GFM1: variants seen among roughly 807,000 people sequenced by gnomAD.
GFM1 encodes elongation factor G, mitochondrial.
A neutral mutation model predicts 96.2 loss-of-function variants in GFM1; 62 were observed. The ratio of observed to expected loss-of-function variants is 0.64; its 90% confidence interval spans 0.53 to 0.80. GFM1 has a LOEUF of 0.80. Among genes scored for constraint, GFM1 ranks in the 30% least tolerant of loss-of-function variants. The pLI is 0.00. For missense variants in GFM1, 852 were observed against 916.6 expected, an observed-to-expected ratio of 0.93 and a Z score of 0.91; for synonymous variants, 282 against 312.9, an observed-to-expected ratio of 0.90 and a Z score of 1.04.
chr3:158,682,450 C>T (rs961543955), intron 14 of GFM1: 13 of 342,730 alleles, frequency 3.8e-5, no homozygotes, highest in African/African-American at 2.5e-4. Flanking sequence ...TGTAGTAGTT[C>T]TTAGGGATTT....
At chr3:158,652,335 G>T in intron 6 of GFM1, 89 bp downstream of exon 6, 1 of 1,081,442 alleles carries the variant, frequency 9.2e-7, no homozygotes. Context: ...TTTATGTATG[G>T]GCTTTATTAA....
chr3:158,690,422 AT>A (rs1162816448), intron 16 of GFM1, 99 bp downstream of exon 16: 2 of 1,182,540 alleles, frequency 1.7e-6, no homozygotes, highest in Non-Finnish European at 2.5e-6. Flanking sequence ...TCCTTGCTGA[AT>A]TTGTGGCTTT....
chr3:158,646,046 G>A (rs1721760418), intron 2 of GFM1, 119 bp from the exon 3 acceptor site: 1 of 1,264,088 alleles, frequency 7.9e-7, no homozygotes, highest in Non-Finnish European at 1.2e-6. Flanking sequence ...GTCTCCCACA[G>A]TGCTGGGATT....
At chr3:158,653,501 G>T in intron 7 of GFM1, 34 bp downstream of exon 7, 9 of 1,504,684 alleles carry the variant, frequency 6.0e-6, no homozygotes, top group African/African-American at 1.4e-5. Context: ...AGTTTATGCA[G>T]AAATACTTTC....
intron 6 of GFM1, 120 bp from the exon 7 acceptor site, chr3:158,653,190 A>G (rs1342538023): frequency 2.6e-6 from 2 of 779,736 alleles, no homozygotes; most frequent in Non-Finnish European, 4.2e-6. Context: ...TTTAGTCTCT[A>G]TTAGAGTCAG....
Position 158,666,405 on chromosome 3 carries a change from T to C in GFM1, c.1601+19T>C. On this transcript the variant is annotated intron_variant, in intron 13 of 17. Transcript: ENST00000486715. ...CTGTCCCGTAAGTATGCAACGTAAT[T>C]AAACATTATGAGGCTGAAATTGAAG... 4 of 1,595,046 alleles carry C rather than the reference T, an allele frequency of 2.5e-6. No individual in the cohort carries two copies. The highest frequency in any genetic ancestry group is 3.4e-6 in the Non-Finnish European group (4 of 1,162,826).
rs143659211 is a variant in GFM1 at position 158,682,790 on chromosome 3, C to T, written c.1764+633C>T. Among the ~76,000 whole-genome samples, 1,108 of 152,096 alleles carry T rather than the reference C, an allele frequency of 7.3e-3. 15 individuals are homozygous for T. Among genetic ancestry groups the T allele is most frequent in the African/African-American group, 0.026 (1,071 of 41,480 alleles). ...CTGTAATCCTAACATTTTGGGAGGCCGAGGCGGGCAGATCACTTGAGCCCA... is the reference window on the plus strand; with the variant it reads ...CTGTAATCCTAACATTTTGGGAGGCTGAGGCGGGCAGATCACTTGAGCCCA... On this transcript the variant is annotated intron_variant, in intron 14 of 17. Transcript: ENST00000486715.
At chr3:158,663,458 A>G (rs552222793) in intron 11 of GFM1, among the ~76,000 whole-genome samples, 2 of 152,328 alleles carry the variant, frequency 1.3e-5, no homozygotes, top group Non-Finnish European at 2.9e-5. Context: ...CACGTGTGAT[A>G]ATATCACTAA....
At chr3:158,671,033 A>C (rs1428017032) in intron 13 of GFM1, 1 of 1,512,122 alleles carries the variant, frequency 6.6e-7, no homozygotes, top group South Asian at 1.3e-5. Context: ...AAATTAAGAA[A>C]ATGTAGTGGA....
intron 15 of GFM1, among the ~76,000 whole-genome samples, chr3:158,686,672 T>G (rs1433587645): frequency 6.7e-6 from 1 of 150,144 alleles, no homozygotes; most frequent in East Asian, 1.9e-4. Context: ...TATAATTAAT[T>G]GCCTATTAAA....
chr3:158,665,773 T>A (rs1216637720), intron 12 of GFM1, among the ~76,000 whole-genome samples: 1 of 152,222 alleles, frequency 6.6e-6, no homozygotes, highest in Non-Finnish European at 1.5e-5. Context: ...TAAATCCTGG[T>A]CCAAGCCTTA....
chr3:158,689,947 A>C (rs1341647751), intron 15 of GFM1, among the ~76,000 whole-genome samples: 2 of 152,188 alleles, frequency 1.3e-5, no homozygotes, highest in Non-Finnish European at 2.9e-5. Context: ...AAAATATGAT[A>C]ATGGAAATAC....
At chr3:158,662,163 G>A (rs894220623) in intron 10 of GFM1, among the ~76,000 whole-genome samples, 2 of 152,136 alleles carry the variant, frequency 1.3e-5, no homozygotes, top group Admixed American at 6.6e-5. Flanking sequence ...TTCGTAAAAT[G>A]GGGATAATAC....
intron 13 of GFM1, among the ~76,000 whole-genome samples, chr3:158,679,906 CT>C (rs1725217327): frequency 6.6e-6 from 1 of 152,188 alleles, no homozygotes; most frequent in African/African-American, 2.4e-5. Context: ...CAGTCACCAT[CT>C]CTGTATATCA....
chr3:158,660,752 A>G (rs1206133241), intron 9 of GFM1, 122 bp from the exon 10 acceptor site: 6 of 797,492 alleles, frequency 7.5e-6, no homozygotes, highest in Non-Finnish European at 1.3e-5. Flanking sequence ...ATAGAATTCA[A>G]GCAGAGAGAT....
chr3:158,690,422 A>G, intron 16 of GFM1, 99 bp downstream of exon 16: 1 of 1,182,658 alleles, frequency 8.5e-7, no homozygotes. Flanking sequence ...TCCTTGCTGA[A>G]TTTGTGGCTT....
chr3:158,670,857 C>T (rs1724218626), intron 13 of GFM1: 7 of 1,299,496 alleles, frequency 5.4e-6, no homozygotes, highest in Non-Finnish European at 6.9e-6. Flanking sequence ...TGGCCTGAGC[C>T]CGGGAAGTTG....
intron 8 of GFM1, among the ~76,000 whole-genome samples, chr3:158,658,465 C>T (rs1205122049): frequency 6.6e-6 from 1 of 152,124 alleles, no homozygotes; most frequent in Non-Finnish European, 1.5e-5. Context: ...AGCCCAGCCA[C>T]AGAACTCTTA....
intron 15 of GFM1, among the ~76,000 whole-genome samples, chr3:158,686,532 T>C (rs886670104): frequency 6.7e-6 from 1 of 149,926 alleles, no homozygotes; most frequent in East Asian, 1.9e-4. Flanking sequence ...TGTGTAATGG[T>C]AAGATTCATT....
Sources: gnomAD v4.1 joint callset for allele counts (sites outside exome capture counted in the v4.1 genomes callset) on GRCh38, gnomAD v4.1.1 for gene constraint, MANE v1.5 for transcripts, NCBI Gene and HGNC (gene_info 2026-07-23, HGNC 2026-07-21) for gene names.